STOML2: variants seen among roughly 807,000 people sequenced by gnomAD.
The protein encoded by STOML2 is stomatin like 2, also known as stomatin-like protein 2, mitochondrial.
STOML2 carries 22 observed loss-of-function variants against 45.7 expected under a neutral mutation model. The ratio of observed to expected loss-of-function variants is 0.48; its 90% CI spans 0.34 to 0.69. The LOEUF (loss-of-function observed/expected upper bound fraction) is 0.69, where lower values mean the gene tolerates loss of function less well. Ranked by LOEUF, STOML2 falls within the 30% of genes least tolerant of loss-of-function variation. The probability of loss-of-function intolerance (pLI) is 0.01; values close to 1 mark genes in which losing one functional copy is unlikely to be tolerated. For missense variants in STOML2, 359 were observed against 466.9 expected (o/e 0.77, Z 2.13); for synonymous variants, 181 against 182.7 (o/e 0.99, Z 0.08).
Position 35,102,660 on chromosome 9 carries a change from C to G in STOML2, c.183+26G>C. 3.1e-6 allele frequency: 5 copies of G among 1,611,034 alleles called. No homozygotes were observed. Among genetic ancestry groups the G allele is most frequent in the Non-Finnish European group, 4.2e-6 (5 of 1,179,450 alleles). ...TGAGGGATTGGTCATCTGGCTGGCCCAGGGTGGGCAGAAGAGGTTTCTCAC... is the reference window on the plus strand; with the variant it reads ...TGAGGGATTGGTCATCTGGCTGGCCGAGGGTGGGCAGAAGAGGTTTCTCAC... On this transcript the variant is annotated intron_variant, in intron 2 of 9. Transcript: ENST00000356493. The surrounding 1 kb of genome is among the most constrained non-coding windows in gnomAD (Gnocchi z 4.8).
Position 35,102,472 on chromosome 9 carries a change from G to A in STOML2, c.183+214C>T. On this transcript the variant is annotated intron_variant, in intron 2 of 9. Transcript: ENST00000356493. The surrounding 1 kb of genome is among the most constrained non-coding windows in gnomAD (Gnocchi z 4.8). ...CAGACTGAGAGGTAGGGCTGAGAGT[G>A]GGCAGGGGAGATTCCCAAGAATGGG... is the stretch of plus-strand genomic sequence containing the variant. 1.3e-6 allele frequency: 1 copy of A among 770,206 alleles called. No homozygotes were observed. Among genetic ancestry groups the A allele is most frequent in the Admixed American group, 2.9e-5 (1 of 35,078 alleles). 47.7% of individuals were successfully genotyped at this position (770,206 alleles called of 1,614,324 possible). A position where few individuals can be genotyped will look rare whatever the true frequency, so the allele number is the denominator to read the frequency against.
At position 35,101,159 on chromosome 9, in the gene STOML2, C is replaced by G. The variant is rs758721676; in HGVS notation, c.700G>C (p.Ala234Pro). Reference protein sequence around the residue: ...AQILASEAEKAEQINQAAGEA... With the variant: ...AQILASEAEKPEQINQAAGEA... ...CCTGCTGCCTGATTTATCTGTTCAG[C>G]CTTTTCTGCTTCGGAGGCCAGGATC... is the stretch of plus-strand genomic sequence containing the variant. Residue 234 changes from alanine (A) to proline (P), a missense_variant, in exon 7 of 10, where the codon GCT becomes CCT. Physicochemically the swap from Ala to Pro is conservative, Grantham distance 27. Coordinates refer to ENST00000356493, the MANE Select transcript of STOML2 (RefSeq NM_013442.3). This position sits in a 1 kb window ranked among gnomAD's most constrained non-coding sequence, Gnocchi z 4.3. 3.7e-6 allele frequency: 6 copies of G among 1,614,126 alleles called. No individual in the cohort carries two copies. The highest frequency in any genetic ancestry group is 5.1e-6 in the Non-Finnish European group (6 of 1,180,062).
chr9:35,101,421 C>T lies in STOML2; in HGVS notation c.579+5G>A, dbSNP rs765209680. On this transcript the variant is annotated splice_donor_5th_base_variant and intron_variant, in intron 6 of 9. Transcript: ENST00000356493. The surrounding 1 kb of genome is among the most constrained non-coding windows in gnomAD (Gnocchi z 4.3). ...GCCCTTTTCCCACCCCTCCTTGGCC[C>T]CCACCTGCATCTGCATAGACTCTTT... is the stretch of plus-strand genomic sequence containing the variant. 4 of 1,614,054 alleles carry T rather than the reference C, an allele frequency of 2.5e-6. No homozygotes were observed. In the South Asian group the frequency reaches 4.4e-5, roughly 18 times the overall value.
chr9:35,101,317 G>A lies in STOML2; in HGVS notation c.580-38C>T. The A allele has an allele frequency of 6.2e-7, 1 of 1,614,008 alleles. No homozygotes were observed. The highest frequency in any genetic ancestry group is 8.5e-7 in the Non-Finnish European group (1 of 1,179,916). On this transcript the variant is annotated intron_variant, in intron 6 of 9. Transcript: ENST00000356493. This position sits in a 1 kb window ranked among gnomAD's most constrained non-coding sequence, Gnocchi z 4.3. ...AACAATCCCAATCAACAAGCCAAGG[G>A]AGACTGATACAGACATGCAACTCTA... is the stretch of plus-strand genomic sequence containing the variant.
rs774406660 is a variant in STOML2, at chr9:35,101,839, G to A, written c.343-28C>T. ...GAGATGGACACGGATAGTGTAAGAA[G>A]CTTGGGCACAAGATTTTAGTGAAGA... On this transcript the variant is annotated intron_variant, in intron 4 of 9. Coordinates refer to ENST00000356493, the MANE Select transcript of STOML2 (RefSeq NM_013442.3). The surrounding 1 kb of genome is among the most constrained non-coding windows in gnomAD (Gnocchi z 4.3). 14 of 1,614,006 alleles carry A rather than the reference G, an allele frequency of 8.7e-6. No homozygotes were observed. Among genetic ancestry groups the A allele is most frequent in the Non-Finnish European group, 1.2e-5 (14 of 1,179,964 alleles).
intron 8 of STOML2, 63 bp from the exon 9 acceptor site, chr9:35,100,789 A>G: frequency 6.2e-7 from 1 of 1,613,466 alleles, no homozygotes; most frequent in Non-Finnish European, 8.5e-7. Context: ...GGGGATGGGG[A>G]ATGAAGAAAG....
At position 35,102,061 on chromosome 9, in the gene STOML2, C is replaced by T; in HGVS notation, c.283+34G>A. 1 of 1,612,042 alleles carries T rather than the reference C, an allele frequency of 6.2e-7. No individual in the cohort carries two copies. Among genetic ancestry groups the T allele is most frequent in the Non-Finnish European group, 8.5e-7 (1 of 1,178,132 alleles). ...ATCTACAGCAACCACATCCTAATAG[C>T]CTCAGAGCACCCATGTCACCCTGAA... On this transcript the variant is annotated intron_variant, in intron 3 of 9. Transcript: ENST00000356493. The surrounding 1 kb of genome is among the most constrained non-coding windows in gnomAD (Gnocchi z 4.8).
chr9:35,100,717 C>T lies in STOML2; in HGVS notation c.814G>A (p.Ala272Thr), dbSNP rs1333943331. 6.2e-7 allele frequency: 1 copy of T among 1,613,956 alleles called. No individual in the cohort carries two copies. Among genetic ancestry groups the T allele is most frequent in the Non-Finnish European group, 8.5e-7 (1 of 1,180,054 alleles). ...AAALTQHNGDAAASLTVAEQY... is the reference protein window; with the variant it reads ...AAALTQHNGDTAASLTVAEQY... ...TCGGCCACAGTCAGTGAAGCTGCTG[C>T]ATCTCCATTCTGTGATCACAGGGGG... is the stretch of plus-strand genomic sequence containing the variant. Residue 272 changes from alanine to threonine, a missense_variant, in exon 9 of 10, where the codon GCA becomes ACA. Coordinates refer to ENST00000356493, the MANE Select transcript of STOML2 (RefSeq NM_013442.3).
In STOML2 at chr9:35,102,780, G is replaced by A; in HGVS notation, c.89C>T (p.Ser30Phe). 1 of 1,614,126 alleles carries A rather than the reference G, an allele frequency of 6.2e-7. No individual in the cohort carries two copies. Among genetic ancestry groups the A allele is most frequent in the Non-Finnish European group, 8.5e-7 (1 of 1,180,020 alleles). The stretch of plus-strand genomic sequence containing the variant: ...TACCACGGTGTTTCGGGGCAATCCA[G>A]AGGAGGCGCGGCGCGGAGCGCGGCC... ...ASGRAPRRASSGLPRNTVVLF... is the reference protein window; with the variant it reads ...ASGRAPRRASFGLPRNTVVLF... The change falls in exon 2 of 10, where the codon TCT becomes TTT. Residue 30 changes from serine (S) to phenylalanine (F), a missense_variant. Ser to Phe is a radical substitution (Grantham distance 155). This residue lies in a region of STOML2 where 74 missense variants were observed against 45.0 expected (regional missense o/e 1.65). Transcript: ENST00000356493. The surrounding 1 kb of genome is among the most constrained non-coding windows in gnomAD (Gnocchi z 4.8).
rs1829834221 is a variant in STOML2, at chr9:35,102,233, C to CTA, written c.184-41_184-40dup. On this transcript the variant is annotated intron_variant, in intron 2 of 9. Coordinates refer to ENST00000356493, the MANE Select transcript of STOML2 (RefSeq NM_013442.3). The surrounding 1 kb of genome is among the most constrained non-coding windows in gnomAD (Gnocchi z 4.8). ...TCATGGGTCCTCAGAAGGCTGGGAA[C>CTA]TATTGGGTTGGGACCTAAGCTAGTC... 2 of 1,587,628 alleles carry CTA rather than the reference C, an allele frequency of 1.3e-6. No individual in the cohort carries two copies. The highest frequency in any genetic ancestry group is 2.2e-5 in the South Asian group (2 of 90,322).
Position 35,102,041 on chromosome 9 carries a change from C to T in STOML2, c.283+54G>A. The T allele has an allele frequency of 6.2e-7, 1 of 1,612,586 alleles. No homozygotes were observed. The highest frequency in any genetic ancestry group is 8.5e-7 in the Non-Finnish European group (1 of 1,178,666). On this transcript the variant is annotated intron_variant, in intron 3 of 9. Transcript: ENST00000356493. This position sits in a 1 kb window ranked among gnomAD's most constrained non-coding sequence, Gnocchi z 4.8. Reference sequence around the variant, plus strand: ...TTCTTTCTACTAAGCTCTGGATCTACAGCAACCACATCCTAATAGCCTCAG... The same window carrying T: ...TTCTTTCTACTAAGCTCTGGATCTATAGCAACCACATCCTAATAGCCTCAG...
Position 35,101,985 on chromosome 9 carries a change from G to C in STOML2, c.284-23C>G. 6.2e-7 allele frequency: 1 copy of C among 1,614,082 alleles called. No individual in the cohort carries two copies. Among genetic ancestry groups the C allele is most frequent in the African/African-American group, 1.3e-5 (1 of 75,026 alleles). Reference sequence around the variant, plus strand: ...TGTCTGTAGAACCAGGAGAGAAAACGGGGAAAGTCAGGCCTCTAGGTCCCA... The same window carrying C: ...TGTCTGTAGAACCAGGAGAGAAAACCGGGAAAGTCAGGCCTCTAGGTCCCA... On this transcript the variant is annotated intron_variant, in intron 3 of 9. Transcript: ENST00000356493. This position sits in a 1 kb window ranked among gnomAD's most constrained non-coding sequence, Gnocchi z 4.3.
In STOML2 at chr9:35,103,129, G is replaced by A. The variant is rs1347959822; in HGVS notation, c.-35C>T. The A allele has an allele frequency of 8.7e-6, 14 of 1,610,198 alleles. No homozygotes were observed. The highest frequency in any genetic ancestry group is 1.2e-5 in the Non-Finnish European group (14 of 1,179,374). On this transcript the variant is annotated 5_prime_UTR_variant, in exon 1 of 10. Transcript: ENST00000356493. The stretch of plus-strand genomic sequence containing the variant: ...CCGCAGCGACCTCCGGAACCAACGA[G>A]ACGAGCGGAGCGGTCGCTCCCAGAA...
chr9:35,102,502 G>C lies in STOML2; in HGVS notation c.183+184C>G, dbSNP rs1231908596. On this transcript the variant is annotated intron_variant, in intron 2 of 9. Coordinates refer to ENST00000356493, the MANE Select transcript of STOML2 (RefSeq NM_013442.3). The surrounding 1 kb of genome is among the most constrained non-coding windows in gnomAD (Gnocchi z 4.8). ...GGGGAGATTCCCAAGAATGGGGCCT[G>C]TGAGATGCATAGGAAAAGGTGGTAA... 3.0e-6 allele frequency: 3 copies of C among 996,550 alleles called. No individual in the cohort carries two copies. Among genetic ancestry groups the C allele is most frequent in the Admixed American group, 4.9e-5 (2 of 40,408 alleles). 61.7% of individuals were successfully genotyped at this position (996,550 alleles called of 1,614,324 possible). A position where few individuals can be genotyped will look rare whatever the true frequency, so the allele number is the denominator to read the frequency against.
rs693325 is a variant in STOML2, at chr9:35,101,873, C to G, written c.342+31G>C. The G allele has an allele frequency of 0.76, 1,225,205 of 1,613,822 alleles. 468,579 individuals are homozygous for G. Among genetic ancestry groups the G allele is most frequent in the Admixed American group, 0.82 (49,052 of 60,000 alleles). Reference sequence around the variant, plus strand: ...CAAGATTTTAGTGAAGAGGGCAACTCAAAAGGCTGGATAAAGTAGGGGACA... The same window carrying G: ...CAAGATTTTAGTGAAGAGGGCAACTGAAAAGGCTGGATAAAGTAGGGGACA... On this transcript the variant is annotated intron_variant, in intron 4 of 9. Coordinates refer to ENST00000356493, the MANE Select transcript of STOML2 (RefSeq NM_013442.3). The surrounding 1 kb of genome is among the most constrained non-coding windows in gnomAD (Gnocchi z 4.3).
chr9:35,101,816 G>T lies in STOML2; in HGVS notation c.343-5C>A. 1.2e-6 allele frequency: 2 copies of T among 1,614,188 alleles called. No individual in the cohort carries two copies. Among genetic ancestry groups the T allele is most frequent in the African/African-American group, 2.7e-5 (2 of 75,040 alleles). ...GTCCTCCACACCGTAGCTTGCCTGAGATGGACACGGATAGTGTAAGAAGCT... is the reference window on the plus strand; with the variant it reads ...GTCCTCCACACCGTAGCTTGCCTGATATGGACACGGATAGTGTAAGAAGCT... On this transcript the variant is annotated splice_polypyrimidine_tract_variant and splice_region_variant and intron_variant, in intron 4 of 9. Coordinates refer to ENST00000356493, the MANE Select transcript of STOML2 (RefSeq NM_013442.3). This position sits in a 1 kb window ranked among gnomAD's most constrained non-coding sequence, Gnocchi z 4.3.
chr9:35,100,093 TCTCTGCTGCTCCCA>T lies in STOML2; in HGVS notation c.999_1012del (p.Ser333ArgfsTer10). The T allele has an allele frequency of 3.7e-6, 6 of 1,614,216 alleles. No individual in the cohort carries two copies. The highest frequency in any genetic ancestry group is 5.1e-6 in the Non-Finnish European group (6 of 1,180,042). On this transcript the variant is annotated frameshift_variant, in exon 10 of 10. Coordinates refer to ENST00000356493, the MANE Select transcript of STOML2 (RefSeq NM_013442.3). LOFTEE classifies it high-confidence loss of function. ...AAGACTTGCATCTGTACCCTGGACA[TCTCTGCTGCTCCCA>T]CTGGAGAGTGAGTCTGGAGTCCCTG...
chr9:35,103,120 A>G lies in STOML2; in HGVS notation c.-26T>C. 1 of 1,611,666 alleles carries G rather than the reference A, an allele frequency of 6.2e-7. No homozygotes were observed. The highest frequency in any genetic ancestry group is 2.2e-5 in the East Asian group (1 of 44,846). Reference sequence around the variant, plus strand: ...TTCCCACCGCCGCAGCGACCTCCGGAACCAACGAGACGAGCGGAGCGGTCG... The same window carrying G: ...TTCCCACCGCCGCAGCGACCTCCGGGACCAACGAGACGAGCGGAGCGGTCG... On this transcript the variant is annotated 5_prime_UTR_variant, in exon 1 of 10. Coordinates refer to ENST00000356493, the MANE Select transcript of STOML2 (RefSeq NM_013442.3).
In STOML2 at chr9:35,099,973, A is replaced by C; in HGVS notation, c.*62T>G. On this transcript the variant is annotated 3_prime_UTR_variant, in exon 10 of 10. Coordinates refer to ENST00000356493, the MANE Select transcript of STOML2 (RefSeq NM_013442.3). ...AAACCAAAATCTTGGCAGGGAAGCT[A>C]GAGCCAGAATCAGGAAAATCTGCTT... is the stretch of plus-strand genomic sequence containing the variant. 1 of 1,567,220 alleles carries C rather than the reference A, an allele frequency of 6.4e-7. No homozygotes were observed. The highest frequency in any genetic ancestry group is 8.7e-7 in the Non-Finnish European group (1 of 1,150,888).
Sources: allele counts gnomAD v4.1 joint callset, GRCh38; gene constraint gnomAD v4.1.1; regional missense constraint gnomAD v4.1.1; non-coding constraint Gnocchi (gnomAD v3.1); transcripts MANE v1.5; gene names NCBI Gene and HGNC (gene_info 2026-07-23, HGNC 2026-07-21).